GPHN: variants seen among roughly 807,000 people sequenced by gnomAD.
GPHN encodes gephyrin.
GPHN carries 17 observed loss-of-function variants against 95.5 expected under a neutral mutation model. The ratio of observed to expected loss-of-function variants is 0.18; its 90% confidence interval spans 0.12 to 0.27. GPHN has a LOEUF of 0.27. Among genes scored for constraint, GPHN ranks in the 10% least tolerant of loss-of-function variants. The probability of loss-of-function intolerance (pLI) is 1.00; values close to 1 mark genes in which losing one functional copy is unlikely to be tolerated. For synonymous variants in GPHN, 320 were observed against 322.5 expected, an observed-to-expected ratio of 0.99 and a Z score of 0.08; for missense variants, 660 against 978.1, an observed-to-expected ratio of 0.67 and a Z score of 4.34.
intron 5 of GPHN, among the ~76,000 whole-genome samples, chr14:66,901,919 A>G (rs1321570744): frequency 6.6e-6 from 1 of 151,984 alleles, no homozygotes; most frequent in Non-Finnish European, 1.5e-5. Context: ...GGAAAATGTC[A>G]TTGATATTTT....
At chr14:66,643,557 G>A (rs2064560433) in intron 1 of GPHN, among the ~76,000 whole-genome samples, 1 of 152,152 alleles carries the variant, frequency 6.6e-6, no homozygotes, top group East Asian at 1.9e-4. Context: ...AGAATGAACA[G>A]CATACAATTA....
chr14:67,219,386 T>A, the GPHN span, among the ~76,000 whole-genome samples: 1 of 152,166 alleles, frequency 6.6e-6, no homozygotes, highest in Non-Finnish European at 1.5e-5. Flanking sequence ...CACAGACATG[T>A]CTCTGCTCCC....
At chr14:66,614,122 A>C (rs1032126236) in intron 1 of GPHN, among the ~76,000 whole-genome samples, 1 of 152,174 alleles carries the variant, frequency 6.6e-6, no homozygotes, top group African/African-American at 2.4e-5. Context: ...GCCTGTGGTC[A>C]AAGCTCAACT....
chr14:67,619,912 T>G, the GPHN span: 2 of 1,084,984 alleles, frequency 1.8e-6, no homozygotes. Context: ...CGGCGGGCGG[T>G]GGCGCTCACT....
chr14:66,888,625 A>G (rs1021055316), intron 5 of GPHN, among the ~76,000 whole-genome samples: 1 of 152,170 alleles, frequency 6.6e-6, no homozygotes, highest in African/African-American at 2.4e-5. Flanking sequence ...AAAATATTTC[A>G]CTAAAAAAAA....
chr14:67,718,624 T>G, the GPHN span, among the ~76,000 whole-genome samples: 1 of 152,232 alleles, frequency 6.6e-6, no homozygotes, highest in African/African-American at 2.4e-5. Context: ...TGATGAGTGC[T>G]CTGTCATCAC....
the GPHN span, among the ~76,000 whole-genome samples, chr14:67,207,749 A>G: frequency 3.3e-4 from 50 of 152,238 alleles, no homozygotes; most frequent in African/African-American, 1.2e-3. Context: ...TTAGAGTATT[A>G]AGTTTTAGAT....
At chr14:66,673,196 G>A (rs1049791960) in intron 1 of GPHN, among the ~76,000 whole-genome samples, 7 of 152,042 alleles carry the variant, frequency 4.6e-5, no homozygotes, top group African/African-American at 1.4e-4. Flanking sequence ...GGGTTCAAGC[G>A]ATTCTCCTGC....
chr14:66,921,905 CA>C (rs1247649459), intron 6 of GPHN, among the ~76,000 whole-genome samples: 3 of 152,064 alleles, frequency 2.0e-5, no homozygotes, highest in Admixed American at 6.6e-5. Flanking sequence ...GAAATAAAAT[CA>C]AAAACTTAGA....
At chr14:67,016,471 T>C (rs927501081) in intron 9 of GPHN, among the ~76,000 whole-genome samples, 2 of 152,090 alleles carry the variant, frequency 1.3e-5, no homozygotes, top group Non-Finnish European at 2.9e-5. Flanking sequence ...TACTGTGATT[T>C]GTTGCCTGAG....
At chr14:66,882,389 G>A (rs958545126) in intron 5 of GPHN, among the ~76,000 whole-genome samples, 2 of 151,578 alleles carry the variant, frequency 1.3e-5, no homozygotes, top group Non-Finnish European at 3.0e-5. Flanking sequence ...TTTATGTCTA[G>A]AGAGCAGCAT....
the GPHN span, chr14:67,592,281 A>T: frequency 2.4e-6 from 1 of 408,552 alleles, no homozygotes; most frequent in South Asian, 1.9e-5. Context: ...CTAAAAATAA[A>T]AAAAAAAAAT....
the GPHN span, chr14:67,383,284 T>A: frequency 6.2e-7 from 1 of 1,608,612 alleles, no homozygotes; most frequent in Non-Finnish European, 8.5e-7. Flanking sequence ...ATTTACTACT[T>A]CAGTTTGAAA....
At chr14:66,673,168 C>G (rs2066397444) in intron 1 of GPHN, among the ~76,000 whole-genome samples, 1 of 152,196 alleles carries the variant, frequency 6.6e-6, no homozygotes, top group South Asian at 2.1e-4. Flanking sequence ...TCTCTGCTCA[C>G]TGCAACCTCC....
the GPHN span, among the ~76,000 whole-genome samples, chr14:67,357,478 G>C: frequency 1.3e-5 from 2 of 152,204 alleles, no homozygotes; most frequent in Non-Finnish European, 2.9e-5. Flanking sequence ...CAAGCTGAGA[G>C]CTTTCAAATA....
the GPHN span, among the ~76,000 whole-genome samples, chr14:67,434,380 CAA>C: frequency 6.6e-6 from 1 of 152,264 alleles, no homozygotes; most frequent in East Asian, 1.9e-4. Flanking sequence ...ACAGTTAGAA[CAA>C]AGTCATTTCT....
At chr14:67,526,349 C>G in the GPHN span, among the ~76,000 whole-genome samples, 1 of 152,198 alleles carries the variant, frequency 6.6e-6, no homozygotes, top group South Asian at 2.1e-4. Flanking sequence ...GTCCCCTGCC[C>G]GTGTAACATG....
intron 3 of GPHN, among the ~76,000 whole-genome samples, chr14:66,807,916 A>T (rs1303161088): frequency 6.6e-6 from 1 of 152,210 alleles, no homozygotes; most frequent in Non-Finnish European, 1.5e-5. Context: ...ATGACTTAGA[A>T]CTACCAAGTT....
chr14:67,347,583 C>T, the GPHN span: 1 of 707,488 alleles, frequency 1.4e-6, no homozygotes, highest in Non-Finnish European at 2.4e-6. Context: ...CTCACCGCAA[C>T]CTCTGCCTCC....
Sources: allele counts gnomAD v4.1 joint callset (sites outside exome capture counted in the v4.1 genomes callset), GRCh38; gene constraint gnomAD v4.1.1; transcripts MANE v1.5; gene names NCBI Gene and HGNC (gene_info 2026-07-23, HGNC 2026-07-21).